DHX36: variants seen among roughly 807,000 people sequenced by gnomAD.
DHX36 encodes the protein DEAH-box helicase 36.
A neutral mutation model predicts 139.0 loss-of-function variants in DHX36; 50 were observed. The observed-to-expected ratio is 0.36, with a 90% confidence interval of 0.29 to 0.46. The LOEUF (loss-of-function observed/expected upper bound fraction) is 0.46. Ranked by LOEUF, DHX36 falls within the 20% of genes least tolerant of loss-of-function variation. The probability of loss-of-function intolerance (pLI) is 1.00; values close to 1 mark genes in which losing one functional copy is unlikely to be tolerated. For synonymous variants in DHX36, 425 were observed against 401.9 expected (o/e 1.06, Z -0.69); for missense variants, 1,024 against 1,211.3 (o/e 0.85, Z 2.29).
intron 5 of DHX36, among the ~76,000 whole-genome samples, chr3:154,309,370 GTAATCAATTCT>G (rs569788169): frequency 1.1e-4 from 16 of 152,116 alleles, no homozygotes; most frequent in African/African-American, 3.9e-4. Context: ...TTTGAAGCTT[GTAATCAATTCT>G]ATAAATATTT....
At chr3:154,299,334 A>G (rs1712168142) in intron 12 of DHX36, among the ~76,000 whole-genome samples, 1 of 152,158 alleles carries the variant, frequency 6.6e-6, no homozygotes. Flanking sequence ...TAGTTTTTAT[A>G]TTTGAAGTTA....
intron 14 of DHX36, among the ~76,000 whole-genome samples, chr3:154,293,370 C>T (rs1711900559): frequency 6.6e-6 from 1 of 152,092 alleles, no homozygotes; most frequent in Non-Finnish European, 1.5e-5. Context: ...ATTTTGAGCC[C>T]AGGAGTTAGA....
intron 14 of DHX36, 93 bp from the exon 15 acceptor site, chr3:154,292,787 G>A: frequency 6.7e-7 from 1 of 1,486,824 alleles, no homozygotes; most frequent in Non-Finnish European, 8.9e-7. Flanking sequence ...ACCTATAAAA[G>A]ACCAATAAAT....
In DHX36 at chr3:154,323,505, C is replaced by T. The variant is rs72996687; in HGVS notation, c.243+669G>A. Among the ~76,000 whole-genome samples, 848 of 152,174 alleles carry T rather than the reference C, an allele frequency of 5.6e-3. 12 individuals are homozygous for T. Among genetic ancestry groups the T allele is most frequent in the African/African-American group, 0.019 (809 of 41,508 alleles). Reference sequence around the variant, plus strand: ...TAGTCACTCGGAGAACTTTGTTTCCCTTACTACAGATCTTTAAGACACAAA... The same window carrying T: ...TAGTCACTCGGAGAACTTTGTTTCCTTTACTACAGATCTTTAAGACACAAA... On this transcript the variant is annotated intron_variant, in intron 1 of 24. Coordinates refer to ENST00000496811, the MANE Select transcript of DHX36 (RefSeq NM_020865.3).
chr3:154,308,661 A>T (rs1284621097), intron 5 of DHX36, among the ~76,000 whole-genome samples: 1 of 152,136 alleles, frequency 6.6e-6, no homozygotes, highest in East Asian at 1.9e-4. Context: ...CTTGTTAAAC[A>T]TCCCAAATCT....
At position 154,324,350 on chromosome 3, in the gene DHX36, C is replaced by T; in HGVS notation, c.67G>A (p.Gly23Arg). The T allele has an allele frequency of 1.2e-6, 2 of 1,603,554 alleles. No homozygotes were observed. The highest frequency in any genetic ancestry group is 1.7e-6 in the Non-Finnish European group (2 of 1,173,986). The part of the protein sequence containing the change: ...GGPRSSGGGY[G>R]GGPAGGHGGN... ...CCATGACCCCCTGCTGGCCCCCCTC[C>T]ATAGCCCCCACCGGAGCTGCGGGGA... Residue 23 changes from glycine to arginine, a missense_variant, in exon 1 of 25, where the codon GGA (glycine) becomes AGA (arginine). Transcript: ENST00000496811.
chr3:154,309,733 A>G lies in DHX36; in HGVS notation c.733T>C (p.Leu245=), dbSNP rs1284548322. ...GKTTQVTQFI[L]DNYIERGKGS... is the part of the protein sequence containing the mutation. Reference sequence around the variant, plus strand: ...TTTCCTCTTTCAATGTAGTTATCCAAAATGAACTGAGTAACTTGAGTGGTT... The same window carrying G: ...TTTCCTCTTTCAATGTAGTTATCCAGAATGAACTGAGTAACTTGAGTGGTT... The change falls in exon 5 of 25, where the codon TTG becomes CTG. Residue 245 remains leucine, a synonymous_variant. Transcript: ENST00000496811. The G allele has an allele frequency of 3.7e-6, 6 of 1,613,384 alleles. No homozygotes were observed. The highest frequency in any genetic ancestry group is 5.1e-6 in the Non-Finnish European group (6 of 1,179,724).
At chr3:154,308,365 A>T (rs940082919) in intron 5 of DHX36, among the ~76,000 whole-genome samples, 1 of 152,210 alleles carries the variant, frequency 6.6e-6, no homozygotes, top group Admixed American at 6.5e-5. Flanking sequence ...TAAATGACTT[A>T]GACATGTGAT....
intron 15 of DHX36, 82 bp downstream of exon 15, chr3:154,292,469 A>G: frequency 2.6e-6 from 4 of 1,544,936 alleles, no homozygotes; most frequent in Non-Finnish European, 2.7e-6. Context: ...CTTTTAATAA[A>G]TATCTTTAAA....
At chr3:154,297,277 A>C (rs762949548) in intron 12 of DHX36, among the ~76,000 whole-genome samples, 3 of 152,258 alleles carry the variant, frequency 2.0e-5, no homozygotes, top group Non-Finnish European at 2.9e-5. Context: ...TATGATAAAG[A>C]CATGATGGTT....
At chr3:154,277,479 G>T in intron 23 of DHX36, 119 bp downstream of exon 23, 1 of 915,474 alleles carries the variant, frequency 1.1e-6, no homozygotes, top group Non-Finnish European at 1.5e-6. Flanking sequence ...AGTTACTCAC[G>T]TCACAGGAAT....
In DHX36 at chr3:154,304,902, T is replaced by C. The variant is rs1467614875; in HGVS notation, c.1039A>G (p.Met347Val). The change falls in exon 8 of 25, where the codon ATG becomes GTG. Residue 347 changes from methionine to valine, a missense_variant. Transcript: ENST00000496811. ...HERNLQSDVL[M>V]TVVKDLLNFR... Reference sequence around the variant, plus strand: ...TTGAGAAGGTCTTTAACAACAGTCATTAAAACATCTGACTGCAGATTTCTT... The same window carrying C: ...TTGAGAAGGTCTTTAACAACAGTCACTAAAACATCTGACTGCAGATTTCTT... 2 of 1,612,532 alleles carry C rather than the reference T, an allele frequency of 1.2e-6. No homozygotes were observed. Among genetic ancestry groups the C allele is most frequent in the Admixed American group, 1.7e-5 (1 of 59,698 alleles).
intron 12 of DHX36, among the ~76,000 whole-genome samples, chr3:154,298,895 G>T (rs1210944407): frequency 2.0e-5 from 3 of 151,504 alleles, no homozygotes; most frequent in Non-Finnish European, 4.4e-5. Context: ...GCCTGGGCAA[G>T]AGAGTGAGAT....
chr3:154,302,237 C>A (rs1260897443), intron 9 of DHX36, among the ~76,000 whole-genome samples: 1 of 152,108 alleles, frequency 6.6e-6, no homozygotes, highest in East Asian at 1.9e-4. Context: ...GAAGAAAGTT[C>A]CCAGAGTTTG....
chr3:154,276,603 A>G, intron 24 of DHX36, 144 bp downstream of exon 24: 2 of 976,974 alleles, frequency 2.0e-6, no homozygotes, highest in South Asian at 1.6e-5. Flanking sequence ...CACAATTCAG[A>G]AAAACCAGGA....
At position 154,277,579 on chromosome 3, in the gene DHX36, AT is replaced by A; in HGVS notation, c.2688+18del. 2 of 1,586,798 alleles carry A rather than the reference AT, an allele frequency of 1.3e-6. No individual in the cohort carries two copies. Among genetic ancestry groups the A allele is most frequent in the Non-Finnish European group, 1.7e-6 (2 of 1,165,608 alleles). On this transcript the variant is annotated intron_variant, in intron 23 of 24. Coordinates refer to ENST00000496811, the MANE Select transcript of DHX36 (RefSeq NM_020865.3). ...GAGACTGATAATCAGATCCTTAATT[AT>A]TTTAAATGTTCACTTACACTGCTTG...
intron 16 of DHX36, among the ~76,000 whole-genome samples, chr3:154,289,482 G>A (rs1711698491): frequency 6.6e-6 from 1 of 152,206 alleles, no homozygotes; most frequent in South Asian, 2.1e-4. Context: ...CGGGGTAGAA[G>A]CAGGATTCAA....
At chr3:154,288,147 CAAAAAAAAAA>C (rs34632439) in intron 17 of DHX36, among the ~76,000 whole-genome samples, 1 of 53,348 alleles carries the variant, frequency 1.9e-5, no homozygotes, top group Admixed American at 2.3e-4. Flanking sequence ...GACTCTGTCT[CAAAAAAAAAA>C]AAAAAAAAAA....
intron 17 of DHX36, among the ~76,000 whole-genome samples, chr3:154,285,626 A>T (rs941903588): frequency 5.9e-5 from 9 of 152,208 alleles, no homozygotes; most frequent in Non-Finnish European, 1.2e-4. Context: ...TTGCTGAAAA[A>T]AAGCTACCCT....
Sources: allele counts gnomAD v4.1 joint callset (sites outside exome capture counted in the v4.1 genomes callset), GRCh38; gene constraint gnomAD v4.1.1; transcripts MANE v1.5; gene names NCBI Gene and HGNC (gene_info 2026-07-23, HGNC 2026-07-21).